The following PGAP1 variants were observed in gnomAD, a reference collection of about 807,000 sequenced individuals.
The protein encoded by PGAP1 is post-GPI attachment to proteins inositol deacylase 1.
Under a neutral mutation model 127.0 loss-of-function variants are expected in PGAP1, and 76 were observed. The ratio of observed to expected loss-of-function variants is 0.60; its 90% CI spans 0.50 to 0.72. The LOEUF is 0.72. Among genes scored for constraint, PGAP1 ranks in the 30% least tolerant of loss-of-function variants. PGAP1 has a pLI of 0.00. For synonymous variants in PGAP1, 362 were observed against 366.5 expected, an observed-to-expected ratio of 0.99 and a Z score of 0.14; for missense variants, 982 against 1,071.3, an observed-to-expected ratio of 0.92 and a Z score of 1.16.
intron 20 of PGAP1, among the ~76,000 whole-genome samples, chr2:196,850,205 G>C (rs1700677862): frequency 6.6e-6 from 1 of 152,100 alleles, no homozygotes; most frequent in Non-Finnish European, 1.5e-5. Flanking sequence ...GTACCAGCTG[G>C]CTCTGTTACT....
At chr2:196,860,324 G>A (rs141348112) in intron 20 of PGAP1, among the ~76,000 whole-genome samples, 1,539 of 152,240 alleles carry the variant, frequency 0.01, 23 homozygotes, top group African/African-American at 0.035. Flanking sequence ...TTGAGGTCAG[G>A]AGTTTGAGAC....
intron 9 of PGAP1, among the ~76,000 whole-genome samples, chr2:196,891,388 G>T (rs893929686): frequency 3.9e-5 from 6 of 152,160 alleles, no homozygotes; most frequent in African/African-American, 9.6e-5. Flanking sequence ...ACTCAAGAGT[G>T]AGGAAACTGT....
At chr2:196,849,365 G>C (rs1205065469) in intron 20 of PGAP1, among the ~76,000 whole-genome samples, 4 of 150,326 alleles carry the variant, frequency 2.7e-5, no homozygotes, top group Non-Finnish European at 5.9e-5. Flanking sequence ...CCGGGTTCAT[G>C]CCATTCTCCT....
Position 196,902,700 on chromosome 2 carries a change from C to A in PGAP1, c.692G>T (p.Arg231Leu). 6.2e-7 allele frequency: 1 copy of A among 1,612,060 alleles called. No individual in the cohort carries two copies. The highest frequency in any genetic ancestry group is 1.1e-5 in the South Asian group (1 of 90,886). Reference protein sequence around the residue: ...TVNNYWILNARHINLTTLSVA... With the variant: ...TVNNYWILNALHINLTTLSVA... ...AGAAAGTGTGGTTAAATTTATGTGT[C>A]GAGCATTTAGAATCCAATAGTTGTT... Residue 231 changes from arginine (R) to leucine (L), a missense_variant, in exon 5 of 27, where the codon CGA becomes CTA. Arg to Leu is a moderately radical substitution (Grantham distance 102, BLOSUM62 -2). Transcript: ENST00000354764.
rs1276833993 is a variant in PGAP1 at position 196,834,560 on chromosome 2, C to G, written c.*6674G>C. ...CATGGGTATGTTGTTATATTTATAG[C>G]CAGTCATAAGCTTCAGAAACTATAA... On this transcript the variant is annotated 3_prime_UTR_variant, in exon 27 of 27. Transcript: ENST00000354764. The G allele has an allele frequency of 6.6e-6, 1 of 152,256 alleles. No individual in the cohort carries two copies. Among genetic ancestry groups the G allele is most frequent in the Non-Finnish European group, 1.5e-5 (1 of 67,832 alleles). The allele number at this position is 152,256 out of a possible 1,614,324, so 9.4% of individuals were successfully genotyped here.
chr2:196,896,570 G>A (rs2125822336), intron 7 of PGAP1, among the ~76,000 whole-genome samples: 2 of 152,218 alleles, frequency 1.3e-5, no homozygotes, highest in South Asian at 4.1e-4. Flanking sequence ...AGAAGGCCGG[G>A]TGTAGTAGTT....
Position 196,841,163 on chromosome 2 carries a change from G to T in PGAP1, c.*71C>A. 1 of 1,408,582 alleles carries T rather than the reference G, an allele frequency of 7.1e-7. No individual in the cohort carries two copies. The highest frequency in any genetic ancestry group is 9.6e-7 in the Non-Finnish European group (1 of 1,043,596). 87.3% of individuals were successfully genotyped at this position (1,408,582 alleles called of 1,614,324 possible). A position where few individuals can be genotyped will look rare whatever the true frequency, so the allele number is the denominator to read the frequency against. ...AAAGGATCTTGCTGTCCATACTGAT[G>T]GATCTGTGTGTTCCCTCTTATCACT... On this transcript the variant is annotated 3_prime_UTR_variant, in exon 27 of 27. Transcript: ENST00000354764.
chr2:196,872,310 A>C, intron 18 of PGAP1, 131 bp downstream of exon 18: 1 of 601,078 alleles, frequency 1.7e-6, no homozygotes, highest in Admixed American at 3.0e-5. Flanking sequence ...AGAATATTTA[A>C]AATATTTTAA....
chr2:196,869,368 C>T (rs1489174451), intron 19 of PGAP1, among the ~76,000 whole-genome samples: 2 of 152,020 alleles, frequency 1.3e-5, no homozygotes, highest in Non-Finnish European at 2.9e-5. Flanking sequence ...TGGAGTCTTG[C>T]TCTGTTGCCC....
Position 196,865,097 on chromosome 2 carries a change from T to A in PGAP1, c.1768-17A>T, listed in dbSNP as rs772932263. 2 of 1,386,692 alleles carry A rather than the reference T, an allele frequency of 1.4e-6. No individual in the cohort carries two copies. The highest frequency in any genetic ancestry group is 3.0e-5 in the African/African-American group (2 of 67,308). 85.9% of individuals were successfully genotyped at this position (1,386,692 alleles called of 1,614,324 possible). On this transcript the variant is annotated splice_polypyrimidine_tract_variant and intron_variant, in intron 19 of 26. Coordinates refer to ENST00000354764, the MANE Select transcript of PGAP1 (RefSeq NM_024989.4). Reference sequence around the variant, plus strand: ...TCTAACTACCTAAAAAACAGGTAAGTCAATGGGCAACTCCTGAATATTCAT... The same window carrying A: ...TCTAACTACCTAAAAAACAGGTAAGACAATGGGCAACTCCTGAATATTCAT...
chr2:196,875,973 T>C, intron 13 of PGAP1, 152 bp from the exon 14 acceptor site: 2 of 514,162 alleles, frequency 3.9e-6, no homozygotes, highest in Admixed American at 3.6e-5. Flanking sequence ...TATACTTAAG[T>C]GGCAAGAATT....
At chr2:196,841,397 A>G in intron 26 of PGAP1, 25 bp from the exon 27 acceptor site, 1 of 1,588,464 alleles carries the variant, frequency 6.3e-7, no homozygotes, top group Non-Finnish European at 8.6e-7. Context: ...AGAAATATAC[A>G]TTACTTATGT....
chr2:196,897,268 T>C, intron 6 of PGAP1, 71 bp from the exon 7 acceptor site: 1 of 920,186 alleles, frequency 1.1e-6, no homozygotes, highest in Non-Finnish European at 1.6e-6. Flanking sequence ...ATATGCACAA[T>C]TCTATTGTTT....
chr2:196,842,863 G>T, intron 25 of PGAP1, 38 bp from the exon 26 acceptor site: 1 of 956,752 alleles, frequency 1.0e-6, no homozygotes, highest in South Asian at 1.8e-5. Context: ...AATCAACAAT[G>T]ACCTGATCAT....
At chr2:196,912,746 G>C in intron 4 of PGAP1, 136 bp downstream of exon 4, 1 of 625,236 alleles carries the variant, frequency 1.6e-6, no homozygotes, top group African/African-American at 1.9e-5. Flanking sequence ...CTCAGAATTG[G>C]AGGTGCTGAT....
chr2:196,903,271 G>A (rs1702559995), intron 4 of PGAP1, among the ~76,000 whole-genome samples: 1 of 151,332 alleles, frequency 6.6e-6, no homozygotes. Context: ...AAAAAGAGCT[G>A]TAGATCCCTC....
At chr2:196,902,928 C>T (rs1702545023) in intron 4 of PGAP1, among the ~76,000 whole-genome samples, 186 bp from the exon 5 acceptor site, 2 of 151,702 alleles carry the variant, frequency 1.3e-5, no homozygotes, top group Admixed American at 6.6e-5. Flanking sequence ...TCCTACTTCC[C>T]GATTAAATAA....
chr2:196,881,941 A>G (rs553231988), intron 12 of PGAP1, among the ~76,000 whole-genome samples: 29 of 152,170 alleles, frequency 1.9e-4, no homozygotes, highest in Non-Finnish European at 4.3e-4. Context: ...TATGTCCAGA[A>G]TGGTATTACC....
intron 4 of PGAP1, among the ~76,000 whole-genome samples, chr2:196,905,659 C>A (rs1022947641): frequency 3.3e-5 from 5 of 151,676 alleles, no homozygotes; most frequent in East Asian, 1.9e-4. Flanking sequence ...ACGCAGAAGA[C>A]GGGTGATTTC....
Sources: allele counts gnomAD v4.1 joint callset (sites outside exome capture counted in the v4.1 genomes callset), GRCh38; gene constraint gnomAD v4.1.1; transcripts MANE v1.5; gene names NCBI Gene and HGNC (gene_info 2026-07-23, HGNC 2026-07-21).